Variants in AQP12B observed in about 807,000 individuals in gnomAD.
AQP12B encodes putative aquaporin-12B.
A neutral mutation model predicts 11.5 loss-of-function variants in AQP12B; 8 were observed. The ratio of observed to expected loss-of-function variants is 0.70; its 90% CI spans 0.41 to 1.26. AQP12B has a LOEUF of 1.26. Ranked by LOEUF, AQP12B falls within the 50% of genes most tolerant of loss-of-function variation. The pLI is 0.01. For missense variants in AQP12B, 247 were observed against 322.0 expected (o/e 0.77, Z 1.78); for synonymous variants, 123 against 158.0 (o/e 0.78, Z 1.66).
At chr2:240,683,108 G>A (rs1167380326), upstream of AQP12B, among the ~76,000 whole-genome samples, 3 of 151,350 alleles carry the variant, frequency 2.0e-5, no homozygotes, top group African/African-American at 4.8e-5. Flanking sequence ...AGCCCTGGGC[G>A]CTGGAGACTG....
rs192736899 is a variant in AQP12B at position 240,682,592 on chromosome 2, C to G, written c.246G>C (p.Ala82=). 0.044 allele frequency: 70,633 copies of G among 1,611,424 alleles called. 1,996 individuals are homozygous for G. Among genetic ancestry groups the G allele is most frequent in the South Asian group, 0.098 (8,874 of 90,768 alleles). ...LLTLLFLLFL[A]HGVTLDGASA... is the part of the protein sequence containing the mutation. ...AGGCCCCGTCCAAGGTGACCCCGTG[C>G]GCCAGGAAGAGCAGGAAGAGCAGGG... is the stretch of plus-strand genomic sequence containing the variant. The change falls in exon 1 of 3, where the codon GCG becomes GCC. Residue 82 remains alanine, a synonymous_variant. Coordinates refer to ENST00000407834, the MANE Select transcript of AQP12B (RefSeq NM_001102467.2).
chr2:240,682,469 C>G lies in AQP12B; in HGVS notation c.369G>C (p.Gln123His), dbSNP rs773188050. ...AGAGGCGCGTCAGGGTGCAGGCGGC[C>G]TGCATGCCCAGCCCCTGTGCCGCCA... ...LKLAAQGLGMQAACTLTRLCW... is the reference protein window; with the variant it reads ...LKLAAQGLGMHAACTLTRLCW... The change falls in exon 1 of 3, where the codon CAG becomes CAC. Residue 123 changes from glutamine to histidine, a missense_variant. Coordinates refer to ENST00000407834, the MANE Select transcript of AQP12B (RefSeq NM_001102467.2). 1 of 1,610,882 alleles carries G rather than the reference C, an allele frequency of 6.2e-7. No individual in the cohort carries two copies. The highest frequency in any genetic ancestry group is 8.5e-7 in the Non-Finnish European group (1 of 1,179,460).
chr2:240,683,738 C>T (rs1401837262), upstream of AQP12B, among the ~76,000 whole-genome samples: 1 of 145,736 alleles, frequency 6.9e-6, no homozygotes, highest in East Asian at 2.0e-4. Context: ...CCCCACATTC[C>T]CTGCCCTGTA....
intron 2 of AQP12B, chr2:240,679,515 AC>A: frequency 4.7e-6 from 1 of 212,162 alleles, no homozygotes; most frequent in East Asian, 1.3e-4. Flanking sequence ...TGCCTGAGAG[AC>A]CCCCAGCTCC....
At chr2:240,683,516 T>C (rs538752688), upstream of AQP12B, among the ~76,000 whole-genome samples, 22 of 152,176 alleles carry the variant, frequency 1.4e-4, 1 homozygote, top group East Asian at 2.3e-3. Flanking sequence ...CTCCTGGCTG[T>C]GTCCCCAGCT....
At position 240,682,771 on chromosome 2, in the gene AQP12B, G is replaced by A. The variant is rs533863219; in HGVS notation, c.67C>T (p.Arg23Trp). Reference protein sequence around the residue: ...ATFTLCEAARRASKALLPVGA... With the variant: ...ATFTLCEAARWASKALLPVGA... Reference sequence around the variant, plus strand: ...ACTGGGAGCAGGGCCTTGGAGGCCCGCCTGGCTGCCTCACAGAGGGTGAAG... The same window carrying A: ...ACTGGGAGCAGGGCCTTGGAGGCCCACCTGGCTGCCTCACAGAGGGTGAAG... The change falls in exon 1 of 3, where the codon CGG becomes TGG. Residue 23 changes from arginine to tryptophan, a missense_variant. Arg to Trp is a moderately radical substitution (Grantham distance 101, BLOSUM62 -3). Coordinates refer to ENST00000407834, the MANE Select transcript of AQP12B (RefSeq NM_001102467.2). 6.7e-5 allele frequency: 108 copies of A among 1,610,498 alleles called. No homozygotes were observed. The Admixed American group carries it at 8.8e-4, about 13-fold the overall frequency.
At chr2:240,682,900 C>T, upstream of AQP12B, 2 of 1,562,112 alleles carry the variant, frequency 1.3e-6, 1 homozygote, top group Non-Finnish European at 1.7e-6. Flanking sequence ...CAGGAGCTGG[C>T]CGGTTCCCAC....
chr2:240,676,454 AG>A lies in AQP12B; in HGVS notation c.*90del. On this transcript the variant is annotated 3_prime_UTR_variant, in exon 3 of 3. Transcript: ENST00000407834. ...GTTTATTGACAAATGGCTTCTGGGG[AG>A]GGGGCCAGGATTCCCTCTTAGCTAC... is the stretch of plus-strand genomic sequence containing the variant. The A allele has an allele frequency of 2.1e-6, 1 of 472,352 alleles. No individual in the cohort carries two copies. The highest frequency in any genetic ancestry group is 3.8e-6 in the Non-Finnish European group (1 of 260,588). 29.3% of individuals were successfully genotyped at this position (472,352 alleles called of 1,614,324 possible).
chr2:240,683,179 G>A (rs1233285658), upstream of AQP12B, among the ~76,000 whole-genome samples: 3 of 150,162 alleles, frequency 2.0e-5, no homozygotes, highest in African/African-American at 7.3e-5. Flanking sequence ...CTTGGGTACC[G>A]GACCCCAATA....
At position 240,682,349 on chromosome 2, in the gene AQP12B, C is replaced by T. The variant is rs751543176; in HGVS notation, c.489G>A (p.Ala163=). Reference sequence around the variant, plus strand: ...AAAAGGCGCAGGCGGCCTCCACAAGCGCCCCGTGGGGCACGGATGTGCGCA... The same window carrying T: ...AAAAGGCGCAGGCGGCCTCCACAAGTGCCCCGTGGGGCACGGATGTGCGCA... ...SALRTSVPHG[A]LVEAACAFCF... is the part of the protein sequence containing the mutation. The change falls in exon 1 of 3, where the codon GCG becomes GCA. Residue 163 remains alanine, a synonymous_variant. Coordinates refer to ENST00000407834, the MANE Select transcript of AQP12B (RefSeq NM_001102467.2). The T allele has an allele frequency of 2.8e-5, 42 of 1,520,974 alleles. No homozygotes were observed. The highest frequency in any genetic ancestry group is 7.3e-5 in the East Asian group (3 of 41,074). The allele number at this position is 1,520,974 out of a possible 1,614,324, so 94.2% of individuals were successfully genotyped here. A position where few individuals can be genotyped will look rare whatever the true frequency, so the allele number is the denominator to read the frequency against.
In AQP12B at chr2:240,682,355, G is replaced by A. The variant is rs755802466; in HGVS notation, c.483C>T (p.His161=). The part of the protein sequence containing the change: ...CSSALRTSVP[H]GALVEAACAF... Reference sequence around the variant, plus strand: ...CGCAGGCGGCCTCCACAAGCGCCCCGTGGGGCACGGATGTGCGCAGGGCCG... The same window carrying A: ...CGCAGGCGGCCTCCACAAGCGCCCCATGGGGCACGGATGTGCGCAGGGCCG... The change falls in exon 1 of 3, where the codon CAC becomes CAT. Residue 161 remains histidine (H), a synonymous_variant. Coordinates refer to ENST00000407834, the MANE Select transcript of AQP12B (RefSeq NM_001102467.2). 82 of 1,523,022 alleles carry A rather than the reference G, an allele frequency of 5.4e-5. No individual in the cohort carries two copies. The highest frequency in any genetic ancestry group is 4.6e-4 in the Admixed American group (24 of 51,732). The allele number at this position is 1,523,022 out of a possible 1,614,324, so 94.3% of individuals were successfully genotyped here. A position where few individuals can be genotyped will look rare whatever the true frequency, so the allele number is the denominator to read the frequency against.
chr2:240,683,400 GGCCCCTC>G (rs2043972534), upstream of AQP12B, among the ~76,000 whole-genome samples: 1 of 99,988 alleles, frequency 1.0e-5, no homozygotes, highest in Non-Finnish European at 2.8e-5. Context: ...CCGCCTGGGA[GGCCCCTC>G]ATGGCCCCTG....
Sources: allele counts gnomAD v4.1 joint callset (sites outside exome capture counted in the v4.1 genomes callset), GRCh38; gene constraint gnomAD v4.1.1; transcripts MANE v1.5; gene names NCBI Gene and HGNC (gene_info 2026-07-23, HGNC 2026-07-21).